ZGRF1: variants seen among roughly 807,000 people sequenced by gnomAD.
ZGRF1 encodes zinc finger GRF-type containing 1.
ZGRF1 carries 196 observed loss-of-function variants against 203.5 expected under a neutral mutation model. The ratio of observed to expected loss-of-function variants is 0.96; its 90% CI spans 0.86 to 1.08. The LOEUF (loss-of-function observed/expected upper bound fraction) is 1.08. ZGRF1 is among the 50% of genes least tolerant of loss of function. ZGRF1 has a pLI of 0.00. For synonymous variants in ZGRF1, 809 were observed against 841.3 expected, an observed-to-expected ratio of 0.96 and a Z score of 0.66; for missense variants, 2,326 against 2,416.3, an observed-to-expected ratio of 0.96 and a Z score of 0.78.
At chr4:112,555,451 C>A (rs944264078) in intron 20 of ZGRF1, among the ~76,000 whole-genome samples, 1 of 152,196 alleles carries the variant, frequency 6.6e-6, no homozygotes, top group African/African-American at 2.4e-5. Flanking sequence ...GAGAACTAAA[C>A]TATAGATCTC....
chr4:112,546,082 T>C (rs1469719133), intron 24 of ZGRF1, among the ~76,000 whole-genome samples: 1 of 150,546 alleles, frequency 6.6e-6, no homozygotes, highest in Non-Finnish European at 1.5e-5. Context: ...GTAATAATAA[T>C]AATAATAATA....
At chr4:112,547,949 C>CT (rs1021215995) in intron 23 of ZGRF1, among the ~76,000 whole-genome samples, 3 of 150,980 alleles carry the variant, frequency 2.0e-5, no homozygotes, top group South Asian at 2.1e-4. Flanking sequence ...TTCTTTTTTT[C>CT]TTTTTTTTGA....
Position 112,589,893 on chromosome 4 carries a change from C to A in ZGRF1, c.2977-19G>T. ...ATGTCACCTATACAGAAAGAAGAAT[C>A]AAAACTACAGACCAAAATCTTCTGA... On this transcript the variant is annotated intron_variant, in intron 10 of 27. Coordinates refer to ENST00000505019, the MANE Select transcript of ZGRF1 (RefSeq NM_018392.5). 1 of 1,528,056 alleles carries A rather than the reference C, an allele frequency of 6.5e-7. No individual in the cohort carries two copies. Among genetic ancestry groups the A allele is most frequent in the South Asian group, 1.3e-5 (1 of 74,616 alleles). The allele number at this position is 1,528,056 out of a possible 1,614,324, so 94.7% of individuals were successfully genotyped here. A position where few individuals can be genotyped will look rare whatever the true frequency, so the allele number is the denominator to read the frequency against.
In ZGRF1 at chr4:112,631,921, T is replaced by G; in HGVS notation, c.102+9A>C. The G allele has an allele frequency of 1.3e-6, 2 of 1,551,762 alleles. No individual in the cohort carries two copies. The highest frequency in any genetic ancestry group is 1.8e-6 in the Non-Finnish European group (2 of 1,142,372). ...TCTTGCACCCTATAGTCAACTGCTT[T>G]GTACTCACTTTGTTTCCTAAGTGAG... On this transcript the variant is annotated intron_variant, in intron 3 of 27. Coordinates refer to ENST00000505019, the MANE Select transcript of ZGRF1 (RefSeq NM_018392.5).
At chr4:112,545,383 A>AGG in intron 24 of ZGRF1, among the ~76,000 whole-genome samples, 1 of 152,304 alleles carries the variant, frequency 6.6e-6, no homozygotes, top group Non-Finnish European at 1.5e-5. Flanking sequence ...GCTAATAAGC[A>AGG]CATGAAAAGA....
Position 112,548,258 on chromosome 4 carries a change from A to G in ZGRF1, c.5469T>C (p.Ile1823=). Residue 1823 remains isoleucine, a synonymous_variant, in exon 23 of 28, where the codon ATT becomes ATC. Transcript: ENST00000505019. The part of the protein sequence containing the change: ...QITEPASLLP[I]ARFECEKLIL... ...GAAAGAATCTTTTAGGTTACCTTGC[A>G]ATGGGAAGGAGAGAGGCCGGTTCAG... The G allele has an allele frequency of 1.3e-6, 2 of 1,552,114 alleles. No individual in the cohort carries two copies. The highest frequency in any genetic ancestry group is 1.7e-6 in the Non-Finnish European group (2 of 1,147,002).
chr4:112,632,592 G>T (rs2047447355), intron 2 of ZGRF1, among the ~76,000 whole-genome samples: 1 of 152,156 alleles, frequency 6.6e-6, no homozygotes, highest in African/African-American at 2.4e-5. Flanking sequence ...GAATGTAGAA[G>T]AAACAAATAT....
intron 6 of ZGRF1, among the ~76,000 whole-genome samples, chr4:112,616,884 A>G (rs554308280): frequency 6.6e-6 from 1 of 152,010 alleles, no homozygotes; most frequent in African/African-American, 2.4e-5. Flanking sequence ...GAGGAAAAGA[A>G]CTCTGTGGTA....
intron 3 of ZGRF1, among the ~76,000 whole-genome samples, chr4:112,625,809 C>T (rs1272830549): frequency 6.7e-6 from 1 of 150,190 alleles, no homozygotes; most frequent in Non-Finnish European, 1.5e-5. Flanking sequence ...GCAGGAGAAT[C>T]GCTTGAACTG....
intron 20 of ZGRF1, among the ~76,000 whole-genome samples, chr4:112,556,513 C>T (rs778586156): frequency 9.2e-5 from 14 of 152,020 alleles, no homozygotes; most frequent in Non-Finnish European, 1.8e-4. Context: ...CCTCAGCTGC[C>T]CAAGTAGCTG....
intron 23 of ZGRF1, among the ~76,000 whole-genome samples, chr4:112,547,991 G>A (rs1334641464): frequency 6.6e-6 from 1 of 151,726 alleles, no homozygotes; most frequent in East Asian, 1.9e-4. Context: ...ATCCAGGCTG[G>A]AGTGCAGTCG....
At chr4:112,574,554 G>A (rs1744794762) in intron 16 of ZGRF1, among the ~76,000 whole-genome samples, 1 of 152,116 alleles carries the variant, frequency 6.6e-6, no homozygotes, top group Non-Finnish European at 1.5e-5. Context: ...AATGTAGGTT[G>A]GTATAAAGGT....
At chr4:112,604,484 A>T (rs1307061877) in intron 9 of ZGRF1, among the ~76,000 whole-genome samples, 1 of 152,174 alleles carries the variant, frequency 6.6e-6, no homozygotes, top group Admixed American at 6.6e-5. Flanking sequence ...GTGAGCAGAG[A>T]TGTTTTGCTT....
rs542873136 is a variant in ZGRF1, at chr4:112,570,745, T to TA, written c.4439-7472dup. On this transcript the variant is annotated intron_variant, in intron 16 of 27. Coordinates refer to ENST00000505019, the MANE Select transcript of ZGRF1 (RefSeq NM_018392.5). ...AACACATGCTAAATGACTCACAGGT[T>TA]AAAAAAAATCATAATGGAAAACTTA... Among the ~76,000 whole-genome samples, 42 of 151,992 alleles carry TA rather than the reference T, an allele frequency of 2.8e-4. 1 individual carries two copies. In the East Asian group the frequency reaches 3.5e-3, roughly 13 times the overall value.
At position 112,553,897 on chromosome 4, in the gene ZGRF1, CTCTT is replaced by C. The variant is rs1740439920; in HGVS notation, c.5280_5283del (p.Arg1761SerfsTer3). ...TGCTCAATGCTTTTTCTCACATAGA[CTCTT>C]TCCGTAGGAGTCAGGTCTTCTTTCA... On this transcript the variant is annotated frameshift_variant, in exon 22 of 28. Transcript: ENST00000505019. LOFTEE classifies it high-confidence loss of function. The C allele has an allele frequency of 6.2e-7, 1 of 1,613,762 alleles. No individual in the cohort carries two copies. Among genetic ancestry groups the C allele is most frequent in the Non-Finnish European group, 8.5e-7 (1 of 1,179,804 alleles).
In ZGRF1 at chr4:112,583,987, A is replaced by G; in HGVS notation, c.4289T>C (p.Leu1430Pro). ...GTACTATAAAACATACCTCACCAAA[A>G]GCTGGCATTCCTCATAAAGTGGTAT... Reference protein sequence around the residue: ...QKIPLYEECQLLVRKGFDFQR... With the variant: ...QKIPLYEECQPLVRKGFDFQR... The change falls in exon 15 of 28, where the codon CTT becomes CCT. Residue 1430 changes from leucine (L) to proline (P), a missense_variant. Physicochemically the swap from Leu to Pro is moderately conservative, Grantham distance 98 (BLOSUM62 -3). Coordinates refer to ENST00000505019, the MANE Select transcript of ZGRF1 (RefSeq NM_018392.5). 6.3e-7 allele frequency: 1 copy of G among 1,599,148 alleles called. No homozygotes were observed. Among genetic ancestry groups the G allele is most frequent in the Non-Finnish European group, 8.5e-7 (1 of 1,173,990 alleles).
Position 112,617,527 on chromosome 4 carries a change from A to C in ZGRF1, c.2515T>G (p.Leu839Val). The change falls in exon 6 of 28, where the codon TTA (leucine) becomes GTA (valine). Residue 839 changes from leucine (L) to valine (V), a missense_variant. By Grantham distance (32) the Leu-to-Val change is conservative (BLOSUM62 1). Transcript: ENST00000505019. Reference sequence around the variant, plus strand: ...TTTTTCAATATTTCCAAGCTGTCTAAAGCAGTACTGTGTTCACATAGCGAC... The same window carrying C: ...TTTTTCAATATTTCCAAGCTGTCTACAGCAGTACTGTGTTCACATAGCGAC... The part of the protein sequence containing the change: ...LKSLCEHSTA[L>V]DSLEILKKKN... 6.2e-7 allele frequency: 1 copy of C among 1,612,422 alleles called. No individual in the cohort carries two copies. The highest frequency in any genetic ancestry group is 2.2e-5 in the East Asian group (1 of 44,870).
chr4:112,547,491 A>G, intron 23 of ZGRF1, 83 bp from the exon 24 acceptor site: 1 of 1,265,796 alleles, frequency 7.9e-7, no homozygotes, highest in Non-Finnish European at 1.1e-6. Context: ...CCAAAATTGC[A>G]CTTCGAAATA....
At chr4:112,574,624 T>G (rs528989734) in intron 16 of ZGRF1, among the ~76,000 whole-genome samples, 1 of 152,334 alleles carries the variant, frequency 6.6e-6, no homozygotes, top group Admixed American at 6.5e-5. Flanking sequence ...TTAAGTAAGT[T>G]ACTAATTAAA....
Sources: allele counts gnomAD v4.1 joint callset (sites outside exome capture counted in the v4.1 genomes callset), GRCh38; gene constraint gnomAD v4.1.1; transcripts MANE v1.5; gene names NCBI Gene and HGNC (gene_info 2026-07-23, HGNC 2026-07-21).